Variants in CIITA observed in about 807,000 individuals in gnomAD.
CIITA encodes the protein class II major histocompatibility complex transactivator.
A neutral mutation model predicts 115.1 loss-of-function variants in CIITA; 72 were observed. The observed-to-expected ratio is 0.63, with a 90% CI of 0.52 to 0.76. CIITA has a LOEUF of 0.76. Among genes scored for constraint, CIITA ranks in the 30% least tolerant of loss-of-function variants. The pLI is 0.00. For synonymous variants in CIITA, 763 were observed against 635.6 expected (o/e 1.20, Z -3.02); for missense variants, 1,617 against 1,463.8 (o/e 1.10, Z -1.71).
Position 10,934,247 on chromosome 16 carries a change from T to A in CIITA, c.*10392T>A, listed in dbSNP as rs529397575. 1 of 152,350 alleles carries A rather than the reference T, an allele frequency of 6.6e-6. No homozygotes were observed. The highest frequency in any genetic ancestry group is 6.5e-5 in the Admixed American group (1 of 15,304). 9.4% of individuals were successfully genotyped at this position (152,350 alleles called of 1,614,324 possible). ...CCTGGACTATTATTTACTTAGTATT[T>A]TAAACCAATGTACTTTTTAAACTCC... On this transcript the variant is annotated 3_prime_UTR_variant, in exon 20 of 20. Transcript: ENST00000324288. This position sits in a 1 kb window ranked among gnomAD's most constrained non-coding sequence, Gnocchi z 4.2.
chr16:10,912,605 A>G (rs535250220), intron 13 of CIITA, among the ~76,000 whole-genome samples: 1 of 152,172 alleles, frequency 6.6e-6, no homozygotes, highest in Non-Finnish European at 1.5e-5. Context: ...CCTGTGCCCC[A>G]GAAAAAAGCC....
Position 10,907,416 on chromosome 16 carries a change from G to C in CIITA, c.1924G>C (p.Val642Leu). 1 of 1,613,132 alleles carries C rather than the reference G, an allele frequency of 6.2e-7. No homozygotes were observed. The highest frequency in any genetic ancestry group is 1.1e-5 in the South Asian group (1 of 91,064). Residue 642 changes from valine (V) to leucine (L), a missense_variant, in exon 11 of 20, where the codon GTC becomes CTC. Transcript: ENST00000324288. This position sits in a 1 kb window ranked among gnomAD's most constrained non-coding sequence, Gnocchi z 5.0. ...KLPSTLTGLY[V>L]GLLGRAALDS... Reference sequence around the variant, plus strand: ...GCCCTCCACGCTCACGGGACTCTATGTCGGCCTGCTGGGCCGTGCAGCCCT... The same window carrying C: ...GCCCTCCACGCTCACGGGACTCTATCTCGGCCTGCTGGGCCGTGCAGCCCT...
rs368178094 is a variant in CIITA, at chr16:10,906,482, G to A, written c.1007-17G>A. On this transcript the variant is annotated splice_polypyrimidine_tract_variant and intron_variant, in intron 10 of 19. Transcript: ENST00000324288. Reference sequence around the variant, plus strand: ...CTCTCACATACCCCCACCCTGACACGCCCCTGGCCTTTGCAGAGCCGGTGG... The same window carrying A: ...CTCTCACATACCCCCACCCTGACACACCCCTGGCCTTTGCAGAGCCGGTGG... 6.0e-5 allele frequency: 97 copies of A among 1,610,946 alleles called. No individual in the cohort carries two copies. The highest frequency in any genetic ancestry group is 1.8e-4 in the East Asian group (8 of 44,896).
chr16:10,908,308 C>A, intron 11 of CIITA, 159 bp downstream of exon 11: 1 of 887,058 alleles, frequency 1.1e-6, no homozygotes, highest in South Asian at 1.4e-5. Context: ...TGTTGAGGCT[C>A]AGAGAGGGGC....
chr16:10,867,476 G>C (rs529191900), intron 1 of CIITA, among the ~76,000 whole-genome samples: 2 of 152,002 alleles, frequency 1.3e-5, no homozygotes, highest in South Asian at 2.1e-4. Flanking sequence ...GACAGGCAGA[G>C]ACAGGGAGAA....
In CIITA at chr16:10,927,388, C is replaced by T. The variant is rs2040575111; in HGVS notation, c.*3533C>T. On this transcript the variant is annotated 3_prime_UTR_variant, in exon 20 of 20. Transcript: ENST00000324288. Reference sequence around the variant, plus strand: ...TTTGTACACTGCTGTGCCCTCTGTACCCAGCAAGGCGCCTGTGTATAATAG... The same window carrying T: ...TTTGTACACTGCTGTGCCCTCTGTATCCAGCAAGGCGCCTGTGTATAATAG... 6.6e-6 allele frequency: 1 copy of T among 152,234 alleles called. No individual in the cohort carries two copies. 9.4% of individuals were successfully genotyped at this position (152,234 alleles called of 1,614,324 possible).
rs576599696 is a variant in CIITA, at chr16:10,911,172, G to C, written c.2888+913G>C. 6.6e-5 allele frequency among the ~76,000 whole-genome samples: 10 copies of C among 151,976 alleles called. No homozygotes were observed. The South Asian group carries it at 2.1e-3, about 32-fold the overall frequency. ...GAAAGCACAATAATTATTATATTTA[G>C]ATCTGTCAGAATATAGCTTTTCTTT... On this transcript the variant is annotated intron_variant, in intron 13 of 19. Coordinates refer to ENST00000324288, the MANE Select transcript of CIITA (RefSeq NM_000246.4).
In CIITA at chr16:10,928,476, A is replaced by G. The variant is rs951154972; in HGVS notation, c.*4621A>G. ...GCTAATTTTTTTGTATTTTTAGTAG[A>G]GATGGGGTTTCACCGTGGTGGCCAG... On this transcript the variant is annotated 3_prime_UTR_variant, in exon 20 of 20. Transcript: ENST00000324288. 1 of 152,246 alleles carries G rather than the reference A, an allele frequency of 6.6e-6. No individual in the cohort carries two copies. Among genetic ancestry groups the G allele is most frequent in the African/African-American group, 2.4e-5 (1 of 41,440 alleles). 9.4% of individuals were successfully genotyped at this position (152,246 alleles called of 1,614,324 possible).
At chr16:10,867,052 G>A (rs2035121206) in intron 1 of CIITA, among the ~76,000 whole-genome samples, 1 of 152,194 alleles carries the variant, frequency 6.6e-6, no homozygotes, top group South Asian at 2.1e-4. Context: ...ACACCAGCCT[G>A]GCCAACATGG....
intron 5 of CIITA, among the ~76,000 whole-genome samples, chr16:10,899,940 G>C (rs1377211164): frequency 6.6e-6 from 1 of 152,110 alleles, no homozygotes. Flanking sequence ...AATTAGCCGG[G>C]TGTGGTGGTG....
rs2040359494 is a variant in CIITA, at chr16:10,923,049, T to A, written c.3318-179T>A. 6 of 634,378 alleles carry A rather than the reference T, an allele frequency of 9.5e-6. No homozygotes were observed. Among genetic ancestry groups the A allele is most frequent in the East Asian group, 2.7e-5 (1 of 37,388 alleles). 39.3% of individuals were successfully genotyped at this position (634,378 alleles called of 1,614,324 possible). ...AGTCAGCTGCAGAACCATAAAGGAATCTCGGGCCTCCTAGGCTTCTCCTTT... is the reference window on the plus strand; with the variant it reads ...AGTCAGCTGCAGAACCATAAAGGAAACTCGGGCCTCCTAGGCTTCTCCTTT... On this transcript the variant is annotated intron_variant, in intron 18 of 19. Transcript: ENST00000324288. The surrounding 1 kb of genome is among the most constrained non-coding windows in gnomAD (Gnocchi z 5.2).
chr16:10,898,671 G>C lies in CIITA; in HGVS notation c.297G>C (p.Ala99=), dbSNP rs757438997. 5 of 1,609,274 alleles carry C rather than the reference G, an allele frequency of 3.1e-6. No homozygotes were observed. In the Admixed American group the frequency reaches 6.8e-5, roughly 22 times the overall value. The change falls in exon 4 of 20, where the codon GCG becomes GCC. Residue 99 remains alanine (A), a splice_region_variant and synonymous_variant. Transcript: ENST00000324288. ...CTGCGCTTTTCCTTGTCTGGGCAGC[G>C]GAACTGGACCAGTATGTCTTCCAGG... The part of the protein sequence containing the change: ...EETREAYANI[A]ELDQYVFQDS...
In CIITA at chr16:10,902,806, G is replaced by T. The variant is rs376221650; in HGVS notation, c.772+5G>T. On this transcript the variant is annotated splice_donor_5th_base_variant and intron_variant, in intron 8 of 19. Coordinates refer to ENST00000324288, the MANE Select transcript of CIITA (RefSeq NM_000246.4). ...CCAGTATATTCATCTACCATGGTGA[G>T]TGCGGGGCCTGGCTCCCCGACCACC... 72 of 1,613,988 alleles carry T rather than the reference G, an allele frequency of 4.5e-5. No individual in the cohort carries two copies. The highest frequency in any genetic ancestry group is 1.4e-5 in the Non-Finnish European group (17 of 1,180,030).
chr16:10,874,703 G>A (rs538603025), upstream of CIITA, among the ~76,000 whole-genome samples: 106 of 152,338 alleles, frequency 7.0e-4, no homozygotes, highest in African/African-American at 2.3e-3. Flanking sequence ...GAGGAAGGTG[G>A]TACTGAAACG....
At position 10,927,370 on chromosome 16, in the gene CIITA, A is replaced by G. The variant is rs926175167; in HGVS notation, c.*3515A>G. On this transcript the variant is annotated 3_prime_UTR_variant, in exon 20 of 20. Transcript: ENST00000324288. ...GGGCGGGAAACATCTCGCTTTGTACACTGCTGTGCCCTCTGTACCCAGCAA... is the reference window on the plus strand; with the variant it reads ...GGGCGGGAAACATCTCGCTTTGTACGCTGCTGTGCCCTCTGTACCCAGCAA... 1 of 152,194 alleles carries G rather than the reference A, an allele frequency of 6.6e-6. No homozygotes were observed. Among genetic ancestry groups the G allele is most frequent in the Non-Finnish European group, 1.5e-5 (1 of 68,040 alleles). The allele number at this position is 152,194 out of a possible 1,614,324, so 9.4% of individuals were successfully genotyped here.
chr16:10,895,392 G>T lies in CIITA; in HGVS notation c.163G>T (p.Asp55Tyr), dbSNP rs2144282681. 6.2e-7 allele frequency: 1 copy of T among 1,614,028 alleles called. No homozygotes were observed. Among genetic ancestry groups the T allele is most frequent in the Non-Finnish European group, 8.5e-7 (1 of 1,180,030 alleles). ...CCTCTACCACTTCTATGACCAGATG[G>T]ACCTGGCTGGAGAAGAAGAGATTGA... ...LCLYHFYDQM[D>Y]LAGEEEIELY... The change falls in exon 2 of 20, where the codon GAC becomes TAC. Residue 55 changes from aspartate (D) to tyrosine (Y), a missense_variant. Physicochemically the swap from Asp to Tyr is radical, Grantham distance 160. Coordinates refer to ENST00000324288, the MANE Select transcript of CIITA (RefSeq NM_000246.4).
At chr16:10,866,283 G>A (rs576889254) in exon 1 of CIITA, 1 of 563,348 alleles carries the variant, frequency 1.8e-6, no homozygotes, top group Non-Finnish European at 3.5e-6. Context: ...TGACTCCAAG[G>A]GCTGCCATGA....
rs1418035057 is a variant in CIITA, at chr16:10,928,649, C to T, written c.*4794C>T. The T allele has an allele frequency of 1.3e-5, 2 of 152,310 alleles. No homozygotes were observed. The highest frequency in any genetic ancestry group is 2.9e-5 in the Non-Finnish European group (2 of 68,114). 9.4% of individuals were successfully genotyped at this position (152,310 alleles called of 1,614,324 possible). A position where few individuals can be genotyped will look rare whatever the true frequency, so the allele number is the denominator to read the frequency against. On this transcript the variant is annotated 3_prime_UTR_variant, in exon 20 of 20. Transcript: ENST00000324288. ...TGCCTGACACAGGGGATACCCACCC[C>T]CACTTCTATGGGATTCAGGCCTGGT...
At position 10,925,057 on chromosome 16, in the gene CIITA, G is replaced by C. The variant is rs1240484010; in HGVS notation, c.*1202G>C. On this transcript the variant is annotated 3_prime_UTR_variant, in exon 20 of 20. Coordinates refer to ENST00000324288, the MANE Select transcript of CIITA (RefSeq NM_000246.4). ...CTTCTGTCCTACTCTGTGTCAGGTG[G>C]GGCAGCTTGAGGGTTGGGCTGGTGT... is the stretch of plus-strand genomic sequence containing the variant. 6.6e-6 allele frequency: 1 copy of C among 152,250 alleles called. No homozygotes were observed. The highest frequency in any genetic ancestry group is 1.5e-5 in the Non-Finnish European group (1 of 68,080). 9.4% of individuals were successfully genotyped at this position (152,250 alleles called of 1,614,324 possible).
Sources: allele counts gnomAD v4.1 joint callset (sites outside exome capture counted in the v4.1 genomes callset), GRCh38; gene constraint gnomAD v4.1.1; non-coding constraint Gnocchi (gnomAD v3.1); transcripts MANE v1.5; gene names NCBI Gene and HGNC (gene_info 2026-07-23, HGNC 2026-07-21).